Variants in HDAC9 observed in about 807,000 individuals in gnomAD.
HDAC9 encodes MEF-2 interacting transcription repressor (MITR) protein.
In HDAC9, 41 loss-of-function variants were observed where a neutral mutation model predicts 139.4. The ratio of observed to expected loss-of-function variants is 0.29; its 90% CI spans 0.23 to 0.38. The LOEUF is 0.38. Ranked by LOEUF, HDAC9 falls within the 10% of genes least tolerant of loss-of-function variation. HDAC9 has a pLI of 1.00. For missense variants in HDAC9, 1,147 were observed against 1,297.0 expected (o/e 0.88, Z 1.78); for synonymous variants, 517 against 476.2 (o/e 1.09, Z -1.12).
intron 1 of HDAC9, among the ~76,000 whole-genome samples, chr7:18,460,477 A>G (rs1458938775): frequency 2.6e-5 from 4 of 152,014 alleles, no homozygotes; most frequent in African/African-American, 4.8e-5. Context: ...AATTCATTCT[A>G]TTGTATTAAG....
intron 21 of HDAC9, among the ~76,000 whole-genome samples, chr7:18,868,544 C>T (rs1023319524): frequency 6.6e-6 from 1 of 152,106 alleles, no homozygotes; most frequent in Admixed American, 6.6e-5. Flanking sequence ...GTCACCATAC[C>T]CATTTCCTCA....
At chr7:18,282,071 A>G (rs1797142442) in intron 2 of HDAC9, among the ~76,000 whole-genome samples, 1 of 152,192 alleles carries the variant, frequency 6.6e-6, no homozygotes, top group Non-Finnish European at 1.5e-5. Flanking sequence ...ATAAGCCTGC[A>G]GCTACTGTAA....
At position 18,829,455 on chromosome 7, in the gene HDAC9, C is replaced by T. The variant is rs756397843; in HGVS notation, c.2379-6C>T. On this transcript the variant is annotated splice_region_variant and splice_polypyrimidine_tract_variant and intron_variant, in intron 18 of 25. Transcript: ENST00000686413. ...TCTTATTTCTCTGTTCTTCTCTATT[C>T]CGCAGGGGGTTCTGCTTTTTTAATT... 6.9e-6 allele frequency: 11 copies of T among 1,599,342 alleles called. No individual in the cohort carries two copies. Among genetic ancestry groups the T allele is most frequent in the Non-Finnish European group, 9.4e-6 (11 of 1,167,238 alleles).
At chr7:18,746,665 T>C (rs1391602165) in intron 13 of HDAC9, among the ~76,000 whole-genome samples, 1 of 152,190 alleles carries the variant, frequency 6.6e-6, no homozygotes, top group Non-Finnish European at 1.5e-5. Context: ...ATATCTGACC[T>C]ATTTTTGGGA....
chr7:18,932,333 T>C (rs1036147813), intron 22 of HDAC9, among the ~76,000 whole-genome samples: 4 of 152,192 alleles, frequency 2.6e-5, no homozygotes, highest in African/African-American at 7.2e-5. Context: ...TTCTAAATGT[T>C]GAATGAGAAA....
At chr7:18,314,107 C>G (rs1445734767) in intron 1 of HDAC9, among the ~76,000 whole-genome samples, 1 of 152,126 alleles carries the variant, frequency 6.6e-6, no homozygotes, top group African/African-American at 2.4e-5. Flanking sequence ...CAAAATAATT[C>G]CTTTGCCAAA....
At chr7:18,748,877 A>T (rs973431014) in intron 13 of HDAC9, 128 bp from the exon 14 acceptor site, 1 of 901,060 alleles carries the variant, frequency 1.1e-6, no homozygotes, top group African/African-American at 1.7e-5. Flanking sequence ...TTGCTTTGTG[A>T]TATTTCCTCC....
intron 21 of HDAC9, among the ~76,000 whole-genome samples, chr7:18,841,285 A>G (rs1418952295): frequency 6.6e-6 from 1 of 152,214 alleles, no homozygotes; most frequent in East Asian, 1.9e-4. Context: ...AATGACAATT[A>G]AGTAAATACT....
At chr7:18,345,815 C>T (rs931341660) in intron 1 of HDAC9, among the ~76,000 whole-genome samples, 1 of 151,570 alleles carries the variant, frequency 6.6e-6, no homozygotes, top group Non-Finnish European at 1.5e-5. Flanking sequence ...TTTTTTTTCC[C>T]CTTTTACCTG....
intron 1 of HDAC9, among the ~76,000 whole-genome samples, chr7:18,091,443 G>A (rs1782138451): frequency 6.6e-6 from 1 of 152,184 alleles, no homozygotes; most frequent in African/African-American, 2.4e-5. Flanking sequence ...CAGTAGTGAT[G>A]ACTGGAATTT....
chr7:18,548,304 A>G (rs970502617), intron 2 of HDAC9, among the ~76,000 whole-genome samples: 4 of 152,160 alleles, frequency 2.6e-5, no homozygotes, highest in Admixed American at 6.5e-5. Context: ...CTGATTACAG[A>G]TTACCCTAAC....
chr7:18,719,402 C>T (rs1459010487), intron 12 of HDAC9, among the ~76,000 whole-genome samples: 2 of 130,292 alleles, frequency 1.5e-5, no homozygotes, highest in East Asian at 2.5e-4. Context: ...TGCAATGGCA[C>T]GATCTCGGCT....
At chr7:18,869,089 C>G (rs73320042) in intron 21 of HDAC9, among the ~76,000 whole-genome samples, 1 of 151,342 alleles carries the variant, frequency 6.6e-6, no homozygotes, top group Non-Finnish European at 1.5e-5. Flanking sequence ...TTAATCCAAC[C>G]CAAAGAGGGG....
intron 1 of HDAC9, among the ~76,000 whole-genome samples, chr7:18,470,895 T>C (rs1439620234): frequency 6.6e-6 from 1 of 152,060 alleles, no homozygotes; most frequent in Non-Finnish European, 1.5e-5. Flanking sequence ...TATTATTACT[T>C]ATACTCAAGT....
intron 2 of HDAC9, among the ~76,000 whole-genome samples, chr7:18,197,407 T>C (rs1368019726): frequency 1.3e-5 from 2 of 152,194 alleles, no homozygotes; most frequent in African/African-American, 4.8e-5. Context: ...TATTTGGTTT[T>C]GATTTTGTTG....
chr7:18,865,854 TA>T (rs34410437), intron 21 of HDAC9, among the ~76,000 whole-genome samples: 1,938 of 152,162 alleles, frequency 0.013, 13 homozygotes, highest in African/African-American at 0.018. Flanking sequence ...GGTATAATTT[TA>T]TAATATGATG....
At chr7:18,240,596 A>AT (rs946203856) in intron 2 of HDAC9, among the ~76,000 whole-genome samples, 2 of 151,452 alleles carry the variant, frequency 1.3e-5, no homozygotes, top group Admixed American at 6.6e-5. Flanking sequence ...CCATGATTTA[A>AT]TTTTTTTTTG....
At chr7:18,110,851 A>G (rs561679325) in intron 1 of HDAC9, among the ~76,000 whole-genome samples, 1 of 152,288 alleles carries the variant, frequency 6.6e-6, no homozygotes, top group African/African-American at 2.4e-5. Flanking sequence ...TGGATATGAT[A>G]GATATTTAAA....
At chr7:18,945,173 C>A (rs1005979322) in intron 23 of HDAC9, among the ~76,000 whole-genome samples, 2 of 152,210 alleles carry the variant, frequency 1.3e-5, no homozygotes, top group Non-Finnish European at 2.9e-5. Context: ...TTACACAGTT[C>A]TGTATCCTTC....
Sources: gnomAD v4.1 joint callset for allele counts (sites outside exome capture counted in the v4.1 genomes callset) on GRCh38, gnomAD v4.1.1 for gene constraint, MANE v1.5 for transcripts, NCBI Gene and HGNC (gene_info 2026-07-23, HGNC 2026-07-21) for gene names.